JMJD6: variants seen among roughly 807,000 people sequenced by gnomAD.
The protein encoded by JMJD6 is jumonji domain containing 6, arginine demethylase and lysine hydroxylase, also known as bifunctional arginine demethylase and lysyl-hydroxylase JMJD6.
A neutral mutation model predicts 45.8 loss-of-function variants in JMJD6; 17 were observed. The observed-to-expected ratio is 0.37, with a 90% CI of 0.25 to 0.56. The LOEUF is 0.56. JMJD6 is among the 20% of genes least tolerant of loss of function. The pLI, the probability that JMJD6 is intolerant of heterozygous loss-of-function variation, is 0.79. For synonymous variants in JMJD6, 221 were observed against 196.3 expected, an observed-to-expected ratio of 1.13 and a Z score of -1.05; for missense variants, 470 against 517.5, an observed-to-expected ratio of 0.91 and a Z score of 0.89.
rs149210415 is a variant in JMJD6, at chr17:76,718,765, G to A, written c.1176C>T (p.Asp392=). The change falls in exon 6 of 6, where the codon GAC becomes GAT. Residue 392 remains aspartate (D), a synonymous_variant. Transcript: ENST00000397625. ...AGCTGCGCTCTTTGCTGACACAGTCGTCCTGGGAGGTGGTGTCCCCGTTTC... is the reference window on the plus strand; with the variant it reads ...AGCTGCGCTCTTTGCTGACACAGTCATCCTGGGAGGTGGTGTCCCCGTTTC... ...MVGNGDTTSQ[D]DCVSKERSSS... The A allele has an allele frequency of 6.8e-6, 11 of 1,614,204 alleles. No homozygotes were observed. Among genetic ancestry groups the A allele is most frequent in the African/African-American group, 6.7e-5 (5 of 75,050 alleles).
At chr17:76,724,911 C>A (rs2076884653) in intron 2 of JMJD6, among the ~76,000 whole-genome samples, 3 of 152,170 alleles carry the variant, frequency 2.0e-5, no homozygotes, top group Admixed American at 6.5e-5. Flanking sequence ...GTGCTTCAAC[C>A]ATAGCTGCAC....
Position 76,725,478 on chromosome 17 carries a change from C to A in JMJD6, c.507G>T (p.Arg169Ser). The change falls in exon 2 of 6, where the codon AGG becomes AGT. Residue 169 changes from arginine (R) to serine (S), a missense_variant. By Grantham distance (110) the Arg-to-Ser change is moderately radical. This residue lies in a region of JMJD6 where 346 missense variants were observed against 339.5 expected (regional missense o/e 1.02). Transcript: ENST00000397625. ...GCAGAATACTTTACCTGTAAGGGGG[C>A]CTGCGCTTCTCCCCAGCATACTGGA... is the stretch of plus-strand genomic sequence containing the variant. ...DLFQYAGEKR[R>S]PPYRWFVMGP... is the part of the protein sequence containing the mutation. 2 of 1,608,844 alleles carry A rather than the reference C, an allele frequency of 1.2e-6. No individual in the cohort carries two copies. The highest frequency in any genetic ancestry group is 1.7e-6 in the Non-Finnish European group (2 of 1,177,958).
chr17:76,713,959 T>C (rs1432559441), downstream of JMJD6: 1 of 152,280 alleles, frequency 6.6e-6, no homozygotes, highest in Non-Finnish European at 1.5e-5. Flanking sequence ...CTTGTGGAGC[T>C]TGTCAGGGAC....
chr17:76,725,778 G>A lies in JMJD6; in HGVS notation c.207C>T (p.Pro69=), dbSNP rs1479771589. The A allele has an allele frequency of 4.3e-6, 7 of 1,613,920 alleles. No individual in the cohort carries two copies. The highest frequency in any genetic ancestry group is 5.9e-6 in the Non-Finnish European group (7 of 1,179,996). Residue 69 remains proline (P), a synonymous_variant, in exon 2 of 6, where the codon CCC becomes CCT. Coordinates refer to ENST00000397625, the MANE Select transcript of JMJD6 (RefSeq NM_015167.3). ...CCTCTTGCGCATTCAACAAAACCAC[G>A]GGCTTGTAAGGTCTTTCATACCGCT... ...FVERYERPYK[P]VVLLNAQEGW... is the part of the protein sequence containing the mutation.
At chr17:76,719,658 A>C (rs1002196956) in intron 5 of JMJD6, among the ~76,000 whole-genome samples, 60 of 152,202 alleles carry the variant, frequency 3.9e-4, no homozygotes, top group Admixed American at 6.5e-4. Flanking sequence ...TTCAAGTTTA[A>C]GGTTACTGGA....
chr17:76,724,770 T>C (rs1377378097), intron 2 of JMJD6, among the ~76,000 whole-genome samples: 2 of 151,650 alleles, frequency 1.3e-5, no homozygotes, highest in Admixed American at 6.6e-5. Flanking sequence ...TGAGCTGAGA[T>C]TGCGCCACTG....
At chr17:76,717,085 G>A (rs1469490066), downstream of JMJD6, among the ~76,000 whole-genome samples, 14 of 152,198 alleles carry the variant, frequency 9.2e-5, no homozygotes, top group South Asian at 4.2e-4. Flanking sequence ...GGAGGGCTGC[G>A]GGTCCTGCAC....
At position 76,723,444 on chromosome 17, in the gene JMJD6, CTT is replaced by C. The variant is rs60972573; in HGVS notation, c.805+326_805+327del. 2.3e-3 allele frequency among the ~76,000 whole-genome samples: 316 copies of C among 137,750 alleles called. 1 individual carries two copies. Among genetic ancestry groups the C allele is most frequent in the South Asian group, 8.2e-3 (35 of 4,268 alleles). 90.4% of individuals were successfully genotyped at this position (137,750 alleles called of 152,430 possible). On this transcript the variant is annotated intron_variant, in intron 3 of 5. Transcript: ENST00000397625. ...ATATTGAAATCAAAGAATGTACTTTCTTTTTTTTTTTTTTGAGATGGAGTCTT... is the reference window on the plus strand; with the variant it reads ...ATATTGAAATCAAAGAATGTACTTTCTTTTTTTTTTTTGAGATGGAGTCTT...
chr17:76,725,902 TC>T, intron 1 of JMJD6, 47 bp from the exon 2 acceptor site: 1 of 1,294,802 alleles, frequency 7.7e-7, no homozygotes, highest in South Asian at 1.4e-5. Flanking sequence ...AAAAAAAAAG[TC>T]CAGTGGCAGA....
In JMJD6 at chr17:76,722,845, C is replaced by CAAAAAA. The variant is rs71158058; in HGVS notation, c.806-918_806-913dup. Among the ~76,000 whole-genome samples the CAAAAAA allele has an allele frequency of 9.0e-4, 39 of 43,264 alleles. 4 individuals carry two copies. The highest frequency in any genetic ancestry group is 4.4e-3 in the African/African-American group (34 of 7,766). 28.4% of individuals were successfully genotyped at this position (43,264 alleles called of 152,430 possible). On this transcript the variant is annotated intron_variant, in intron 3 of 5. Transcript: ENST00000397625. ...TGGGTGACAGAGCGAGACTTGGTCT[C>CAAAAAA]AAAAAAAAAAAAAAAAAAAAAAAAG...
At position 76,720,510 on chromosome 17, in the gene JMJD6, GA is replaced by G. The variant is rs1449846440; in HGVS notation, c.942-13del. On this transcript the variant is annotated splice_polypyrimidine_tract_variant and intron_variant, in intron 4 of 5. Transcript: ENST00000397625. ...CTTGCTTCAAAATCCTGAGAGGCAA[GA>G]AGTGTTGTTCTCAGTGCACTGACAG... is the stretch of plus-strand genomic sequence containing the variant. 1 of 1,613,640 alleles carries G rather than the reference GA, an allele frequency of 6.2e-7. No individual in the cohort carries two copies. The highest frequency in any genetic ancestry group is 1.3e-5 in the African/African-American group (1 of 74,908).
downstream of JMJD6, among the ~76,000 whole-genome samples, chr17:76,717,567 T>C (rs1031725620): frequency 5.9e-5 from 9 of 152,194 alleles, no homozygotes; most frequent in African/African-American, 2.2e-4. Context: ...AAAAGCTGGG[T>C]GAGGTGGCTC....
chr17:76,723,128 TAG>T (rs962264782), intron 3 of JMJD6, among the ~76,000 whole-genome samples: 20 of 151,604 alleles, frequency 1.3e-4, no homozygotes, highest in African/African-American at 4.8e-4. Flanking sequence ...GTATTATTAG[TAG>T]AGACAGGGTT....
chr17:76,724,140 T>C, intron 2 of JMJD6, 82 bp from the exon 3 acceptor site: 1 of 1,458,354 alleles, frequency 6.9e-7, no homozygotes, highest in Non-Finnish European at 9.4e-7. Flanking sequence ...TTAGTTTTTC[T>C]TTGAGAGTCT....
In JMJD6 at chr17:76,725,347, T is replaced by TGTGA; in HGVS notation, c.518+116_518+119dup. 3 of 945,658 alleles carry TGTGA rather than the reference T, an allele frequency of 3.2e-6. No homozygotes were observed. In the South Asian group the frequency reaches 5.6e-5, roughly 18 times the overall value. 58.6% of individuals were successfully genotyped at this position (945,658 alleles called of 1,614,324 possible). A position where few individuals can be genotyped will look rare whatever the true frequency, so the allele number is the denominator to read the frequency against. On this transcript the variant is annotated intron_variant, in intron 2 of 5. Transcript: ENST00000397625. ...CTTGAACTCGGGAGATGGAGGTTGC[T>TGTGA]GTGAGCCGAGATCGCACCACGGCAC...
chr17:76,713,565 C>T (rs1402391875), downstream of JMJD6: 4 of 152,192 alleles, frequency 2.6e-5, no homozygotes, highest in Admixed American at 6.5e-5. Context: ...GTACACACAT[C>T]AAAAACAACT....
downstream of JMJD6, chr17:76,718,309 A>G (rs886544051): frequency 1.3e-5 from 6 of 474,164 alleles, no homozygotes; most frequent in African/African-American, 1.2e-4. Context: ...TGACTTTTCC[A>G]ATGGCTCTCC....
At chr17:76,716,749 A>C, downstream of JMJD6, 1 of 1,613,876 alleles carries the variant, frequency 6.2e-7, no homozygotes, top group Non-Finnish European at 8.5e-7. Context: ...AACTGCCTGT[A>C]ATCAGCACGT....
chr17:76,724,742 G>A (rs761651082), intron 2 of JMJD6, among the ~76,000 whole-genome samples: 2 of 151,918 alleles, frequency 1.3e-5, no homozygotes, highest in Admixed American at 6.6e-5. Flanking sequence ...GCTTGAACCC[G>A]GGAGGCGGAG....
Sources: allele counts gnomAD v4.1 joint callset (sites outside exome capture counted in the v4.1 genomes callset), GRCh38; gene constraint gnomAD v4.1.1; regional missense constraint gnomAD v4.1.1; transcripts MANE v1.5; gene names NCBI Gene and HGNC (gene_info 2026-07-23, HGNC 2026-07-21).